The following CDAN1 variants were observed in gnomAD, a reference collection of about 807,000 sequenced individuals.
CDAN1 encodes the protein codanin-1.
Under a neutral mutation model 139.8 loss-of-function variants are expected in CDAN1, and 107 were observed. The observed-to-expected ratio is 0.77, with a 90% CI of 0.65 to 0.90. CDAN1 has a LOEUF of 0.90. CDAN1 is among the 40% of genes least tolerant of loss of function. CDAN1 has a pLI of 0.00. For missense variants in CDAN1, 1,667 were observed against 1,575.7 expected, an observed-to-expected ratio of 1.06 and a Z score of -0.98; for synonymous variants, 776 against 660.6, an observed-to-expected ratio of 1.17 and a Z score of -2.68.
chr15:42,736,325 G>A lies in CDAN1; in HGVS notation c.546C>T (p.Gly182=). ...ACCCTGTAGGGCCGGGGGGAACCGA[G>A]CCTACGGGAGGGAACTCCTCCAGGT... ...LSNLEEFPPV[G]SVPPGPTGTK... The change falls in exon 2 of 28, where the codon GGC becomes GGT. Residue 182 remains glycine, a synonymous_variant. Coordinates refer to ENST00000356231, the MANE Select transcript of CDAN1 (RefSeq NM_138477.4). 6.2e-7 allele frequency: 1 copy of A among 1,613,834 alleles called. No homozygotes were observed. Among genetic ancestry groups the A allele is most frequent in the Non-Finnish European group, 8.5e-7 (1 of 1,179,960 alleles).
rs1469182091 is a variant in CDAN1 at position 42,724,070 on chromosome 15, CCCAAGATTCATGTTTTAACTT to C, written c.*400_*420del. The stretch of plus-strand genomic sequence containing the variant: ...TCCTGGTGATAAGAAAATGTAGACT[CCCAAGATTCATGTTTTAACTT>C]TCTTCATAAGTTAAGCAGGAGTCAT... On this transcript the variant is annotated 3_prime_UTR_variant, in exon 28 of 28. Transcript: ENST00000356231. 1.7e-5 allele frequency: 5 copies of C among 285,796 alleles called. No individual in the cohort carries two copies. The highest frequency in any genetic ancestry group is 3.4e-5 in the Non-Finnish European group (5 of 145,672). The allele number at this position is 285,796 out of a possible 1,614,324, so 17.7% of individuals were successfully genotyped here. A position where few individuals can be genotyped will look rare whatever the true frequency, so the allele number is the denominator to read the frequency against.
intron 20 of CDAN1, 146 bp downstream of exon 20, chr15:42,728,506 G>T: frequency 8.1e-7 from 1 of 1,236,758 alleles, no homozygotes; most frequent in Non-Finnish European, 1.2e-6. Flanking sequence ...CCTACAGCCA[G>T]TGCAGGGCTT....
chr15:42,728,157 C>T, intron 21 of CDAN1, 47 bp downstream of exon 21: 1 of 1,606,438 alleles, frequency 6.2e-7, no homozygotes, highest in Non-Finnish European at 8.5e-7. Flanking sequence ...CCGTGCACCT[C>T]CCCACAACTG....
Position 42,726,726 on chromosome 15 carries a change from T to C in CDAN1, c.3097-309A>G, listed in dbSNP as rs117816832. The C allele has an allele frequency of 2.0e-3, 919 of 450,080 alleles. 5 individuals carry two copies. The highest frequency in any genetic ancestry group is 3.6e-3 in the Middle Eastern group (6 of 1,674). 27.9% of individuals were successfully genotyped at this position (450,080 alleles called of 1,614,324 possible). On this transcript the variant is annotated intron_variant, in intron 23 of 27. Transcript: ENST00000356231. ...AACCAACTCCCATAGGGCATCTTAT[T>C]CTTGAAGCATGTAAGGAAACCGGCC...
intron 17 of CDAN1, 93 bp from the exon 18 acceptor site, chr15:42,729,455 C>A: frequency 6.3e-7 from 1 of 1,599,984 alleles, no homozygotes. Flanking sequence ...GGCTCAGATA[C>A]CCAGGAATGA....
chr15:42,736,389 C>T lies in CDAN1; in HGVS notation c.482G>A (p.Arg161His). The part of the protein sequence containing the change: ...RRLRGSGSPS[R>H]PSLTLSDPPN... ...CGGATCAGACAGCGTGAGGCTGGGG[C>T]GGCTGGGGCTGCCAGAGCCCCTAAG... Residue 161 changes from arginine (R) to histidine (H), a missense_variant, in exon 2 of 28, where the codon CGC becomes CAC. By Grantham distance (29) the Arg-to-His change is conservative (BLOSUM62 0). Around this residue, in one of 3 missense-constraint regions of CDAN1, gnomAD observed 487 missense variants for 422.2 expected, o/e 1.15. Coordinates refer to ENST00000356231, the MANE Select transcript of CDAN1 (RefSeq NM_138477.4). 2 of 1,612,822 alleles carry T rather than the reference C, an allele frequency of 1.2e-6. No homozygotes were observed. Among genetic ancestry groups the T allele is most frequent in the South Asian group, 1.1e-5 (1 of 91,062 alleles).
At chr15:42,725,352 G>GAGATGGATA in intron 26 of CDAN1, 101 bp from the exon 27 acceptor site, 2 of 1,469,532 alleles carry the variant, frequency 1.4e-6, no homozygotes, top group Non-Finnish European at 1.9e-6. Flanking sequence ...GAAGAGACTT[G>GAGATGGATA]AGATGGATAA....
intron 6 of CDAN1, 151 bp from the exon 7 acceptor site, chr15:42,734,497 A>C: frequency 1.0e-6 from 1 of 953,414 alleles, no homozygotes; most frequent in Non-Finnish European, 1.6e-6. Flanking sequence ...GATCAAAGAT[A>C]ATGAAAGTCA....
In CDAN1 at chr15:42,736,348, G is replaced by C. The variant is rs2061687320; in HGVS notation, c.523C>G (p.Leu175Val). ...TLSDPPNLSNLEEFPPVGSVP... is the reference protein window; with the variant it reads ...TLSDPPNLSNVEEFPPVGSVP... Reference sequence around the variant, plus strand: ...GAGCCTACGGGAGGGAACTCCTCCAGGTTGCTGAGGTTTGGCGGATCAGAC... The same window carrying C: ...GAGCCTACGGGAGGGAACTCCTCCACGTTGCTGAGGTTTGGCGGATCAGAC... Residue 175 changes from leucine (L) to valine (V), a missense_variant, in exon 2 of 28, where the codon CTG becomes GTG. Around this residue, in one of 3 missense-constraint regions of CDAN1, gnomAD observed 487 missense variants for 422.2 expected, o/e 1.15. Transcript: ENST00000356231. 4 of 1,613,944 alleles carry C rather than the reference G, an allele frequency of 2.5e-6. No homozygotes were observed. Among genetic ancestry groups the C allele is most frequent in the Non-Finnish European group, 3.4e-6 (4 of 1,180,002 alleles).
In CDAN1 at chr15:42,729,551, G is replaced by C; in HGVS notation, c.2407+17C>G. 6.2e-7 allele frequency: 1 copy of C among 1,614,128 alleles called. No individual in the cohort carries two copies. Among genetic ancestry groups the C allele is most frequent in the Non-Finnish European group, 8.5e-7 (1 of 1,179,994 alleles). ...GAGGGACAGACCAAGGACCGTCCAG[G>C]GAAGACCGGTGCTCACCGATGTAGG... On this transcript the variant is annotated intron_variant, in intron 17 of 27. Transcript: ENST00000356231.
intron 9 of CDAN1, 40 bp from the exon 10 acceptor site, chr15:42,732,448 G>C: frequency 6.4e-7 from 1 of 1,574,098 alleles, no homozygotes; most frequent in Non-Finnish European, 8.7e-7. Context: ...GTGGAAAGGA[G>C]GGAGAGGGAG....
At position 42,736,199 on chromosome 15, in the gene CDAN1, C is replaced by A. The variant is rs1045518722; in HGVS notation, c.569+103G>T. 1.1e-5 allele frequency: 18 copies of A among 1,581,456 alleles called. No homozygotes were observed. The Admixed American group carries it at 1.8e-4, about 16-fold the overall frequency. ...CAAAAACCCTCACCATCACCCCCAG[C>A]CTTCTACCCATCCTGGCGCTCCACT... On this transcript the variant is annotated intron_variant, in intron 2 of 27. Transcript: ENST00000356231.
chr15:42,726,040 C>T (rs900718057), intron 25 of CDAN1, 57 bp downstream of exon 25: 2 of 1,428,718 alleles, frequency 1.4e-6, no homozygotes, highest in Admixed American at 1.7e-5. Flanking sequence ...TGCTTGTACC[C>T]AACCCTGAGA....
At position 42,726,370 on chromosome 15, in the gene CDAN1, G is replaced by A; in HGVS notation, c.3144C>T (p.Val1048=). 1 of 1,598,944 alleles carries A rather than the reference G, an allele frequency of 6.3e-7. No individual in the cohort carries two copies. ...AVGPRDPDEG[V]SPEHLEQLLG... is the part of the protein sequence containing the mutation. ...GGAGCTGTTCCAGATGCTCTGGGGA[G>A]ACTCCCTCGTCAGGGTCCCGTGGCC... Residue 1048 remains valine, a synonymous_variant, in exon 24 of 28, where the codon GTC becomes GTT. Coordinates refer to ENST00000356231, the MANE Select transcript of CDAN1 (RefSeq NM_138477.4).
rs1055314118 is a variant in CDAN1 at position 42,735,595 on chromosome 15, G to C, written c.858C>G (p.Leu286=). 1 of 1,614,136 alleles carries C rather than the reference G, an allele frequency of 6.2e-7. No individual in the cohort carries two copies. The highest frequency in any genetic ancestry group is 1.3e-5 in the African/African-American group (1 of 74,950). ...GSPLPSRTGS[L]TDEPADPARV... ...TGGCAGGGTCTGCAGGTTCATCTGT[G>C]AGGCTTCCTGTCCGGCTGGGGAGGG... Residue 286 remains leucine, a synonymous_variant, in exon 4 of 28, where the codon CTC becomes CTG. Transcript: ENST00000356231.
chr15:42,730,680 C>G lies in CDAN1; in HGVS notation c.2092G>C (p.Glu698Gln), dbSNP rs914450411. 3 of 1,614,100 alleles carry G rather than the reference C, an allele frequency of 1.9e-6. No individual in the cohort carries two copies. The highest frequency in any genetic ancestry group is 2.5e-6 in the Non-Finnish European group (3 of 1,179,994). The change falls in exon 14 of 28, where the codon GAG (glutamate) becomes CAG (glutamine). Residue 698 changes from glutamate (E) to glutamine (Q), a missense_variant. Physicochemically the swap from Glu to Gln is conservative, Grantham distance 29 (BLOSUM62 2). This residue lies in a region of CDAN1 where 936 missense variants were observed against 844.1 expected (regional missense o/e 1.11). Coordinates refer to ENST00000356231, the MANE Select transcript of CDAN1 (RefSeq NM_138477.4). Reference sequence around the variant, plus strand: ...ACATGGTCAGCAAAGGAGAGAAACTCCACCAGCCAGGGCACGGTGAGCACC... The same window carrying G: ...ACATGGTCAGCAAAGGAGAGAAACTGCACCAGCCAGGGCACGGTGAGCACC... ...RAVLTVPWLV[E>Q]FLSFADHVVP...
chr15:42,736,167 A>C, intron 2 of CDAN1, 89 bp from the exon 3 acceptor site: 1 of 1,571,432 alleles, frequency 6.4e-7, no homozygotes, highest in Non-Finnish European at 8.7e-7. Context: ...CTTGCCAAAA[A>C]ACCCCACAAA....
Position 42,725,196 on chromosome 15 carries a change from C to T in CDAN1, c.3506G>A (p.Arg1169Gln), listed in dbSNP as rs202083833. The stretch of plus-strand genomic sequence containing the variant: ...GCCCAGGCAGGCCTCTATCTCCATC[C>T]GTCCCATCAGACCCTTCTCCACCAG... ...RELVEKGLMG[R>Q]MEIEACLGSL... The change falls in exon 27 of 28, where the codon CGG becomes CAG. Residue 1169 changes from arginine to glutamine, a missense_variant. Physicochemically the swap from Arg to Gln is conservative, Grantham distance 43. Coordinates refer to ENST00000356231, the MANE Select transcript of CDAN1 (RefSeq NM_138477.4). The T allele has an allele frequency of 2.9e-5, 47 of 1,614,104 alleles. 1 individual carries two copies. The highest frequency in any genetic ancestry group is 2.5e-4 in the South Asian group (23 of 91,090).
chr15:42,735,028 A>G (rs926803332), intron 6 of CDAN1, 72 bp downstream of exon 6: 4 of 1,034,140 alleles, frequency 3.9e-6, no homozygotes, highest in African/African-American at 3.2e-5. Context: ...GCACCAGCAT[A>G]TATCCCAAGC....
Sources: gnomAD v4.1 joint callset for allele counts on GRCh38, gnomAD v4.1.1 for gene constraint, gnomAD v4.1.1 regional missense constraint, MANE v1.5 for transcripts, NCBI Gene and HGNC (gene_info 2026-07-23, HGNC 2026-07-21) for gene names.